Variants in CD200R1 observed in about 807,000 individuals in gnomAD.
CD200R1 encodes CD200 receptor 1, also known as cell surface glycoprotein CD200 receptor 1.
A neutral mutation model predicts 38.1 loss-of-function variants in CD200R1; 30 were observed. That is an observed-to-expected ratio of 0.79 (90% CI 0.59 to 1.07). CD200R1 has a LOEUF of 1.07. Among genes scored for constraint, CD200R1 ranks in the 50% least tolerant of loss-of-function variants. CD200R1 has a pLI of 0.00. For missense variants in CD200R1, 372 were observed against 415.4 expected (o/e 0.90, Z 0.91); for synonymous variants, 128 against 152.1 (o/e 0.84, Z 1.16).
chr3:112,924,283 T>G (rs1338276207), intron 7 of CD200R1, among the ~76,000 whole-genome samples: 1 of 152,014 alleles, frequency 6.6e-6, no homozygotes, highest in African/African-American at 2.4e-5. Flanking sequence ...ATATAGTTCA[T>G]GAAGTGAAAA....
Position 112,931,142 on chromosome 3 carries a change from G to T in CD200R1, c.166C>A (p.Gln56Lys). The T allele has an allele frequency of 6.2e-7, 1 of 1,610,020 alleles. No homozygotes were observed. The highest frequency in any genetic ancestry group is 8.5e-7 in the Non-Finnish European group (1 of 1,176,344). The change falls in exon 3 of 8, where the codon CAG becomes AAG. Residue 56 changes from glutamine to lysine, a missense_variant. Coordinates refer to ENST00000308611, the MANE Select transcript of CD200R1 (RefSeq NM_138806.4). ...ACTTTCGAGTAGTTCTGTGTAATCT[G>T]TTTTTCATCCATACATAAACTGCTT... Reference protein sequence around the residue: ...ASSSLCMDEKQITQNYSKVLA... With the variant: ...ASSSLCMDEKKITQNYSKVLA...
chr3:112,925,483 C>A (rs1317851364), intron 5 of CD200R1, among the ~76,000 whole-genome samples: 3 of 151,972 alleles, frequency 2.0e-5, no homozygotes, highest in Non-Finnish European at 4.4e-5. Context: ...TTGTGTAGGA[C>A]AATAAAACTG....
At chr3:112,969,749 G>C (rs1247731704) in intron 1 of CD200R1, among the ~76,000 whole-genome samples, 1 of 152,194 alleles carries the variant, frequency 6.6e-6, no homozygotes, top group Non-Finnish European at 1.5e-5. Flanking sequence ...ATTGCAGGTA[G>C]ACTTCTCCCT....
At chr3:112,928,215 G>C (rs1031967365) in intron 5 of CD200R1, among the ~76,000 whole-genome samples, 3 of 152,134 alleles carry the variant, frequency 2.0e-5, no homozygotes, top group Admixed American at 2.0e-4. Flanking sequence ...GATGGCAATT[G>C]GGTTGGAAAG....
chr3:112,947,262 T>A (rs961892218), intron 2 of CD200R1, among the ~76,000 whole-genome samples: 1 of 152,170 alleles, frequency 6.6e-6, no homozygotes, highest in African/African-American at 2.4e-5. Flanking sequence ...TGACCTCTAA[T>A]GCAAACTTTG....
At chr3:112,928,753 TTTTTC>T in intron 5 of CD200R1, 58 bp downstream of exon 5, 1 of 1,318,718 alleles carries the variant, frequency 7.6e-7, no homozygotes, top group Non-Finnish European at 1.0e-6. Context: ...CACATCTTTT[TTTTTC>T]TTAACTCTTT....
intron 2 of CD200R1, among the ~76,000 whole-genome samples, chr3:112,944,316 G>C (rs1940793045): frequency 6.6e-6 from 1 of 151,942 alleles, no homozygotes; most frequent in South Asian, 2.1e-4. Flanking sequence ...GTTTATTCCA[G>C]ATATGCAAGC....
At chr3:112,940,463 C>T (rs1383639442) in intron 2 of CD200R1, among the ~76,000 whole-genome samples, 1 of 151,614 alleles carries the variant, frequency 6.6e-6, no homozygotes, top group Non-Finnish European at 1.5e-5. Flanking sequence ...AATATCTCCA[C>T]AATAACAGAA....
chr3:112,944,977 T>C (rs982949381), intron 2 of CD200R1, among the ~76,000 whole-genome samples: 1 of 152,116 alleles, frequency 6.6e-6, no homozygotes, highest in Non-Finnish European at 1.5e-5. Context: ...TATATTAGCA[T>C]CCCCAAAAAT....
In CD200R1 at chr3:112,931,099, A is replaced by G; in HGVS notation, c.202+7T>C. 1 of 1,601,490 alleles carries G rather than the reference A, an allele frequency of 6.2e-7. No individual in the cohort carries two copies. Among genetic ancestry groups the G allele is most frequent in the Non-Finnish European group, 8.6e-7 (1 of 1,168,454 alleles). ...AGGTGCTGGCCACTAGTAAGGAAGC[A>G]TATTACCTTCTGCGAGTACTTTCGA... is the stretch of plus-strand genomic sequence containing the variant. On this transcript the variant is annotated splice_region_variant and intron_variant, in intron 3 of 7. Coordinates refer to ENST00000308611, the MANE Select transcript of CD200R1 (RefSeq NM_138806.4).
intron 4 of CD200R1, 62 bp downstream of exon 4, chr3:112,929,128 A>T: frequency 6.2e-7 from 1 of 1,612,266 alleles, no homozygotes; most frequent in Middle Eastern, 1.7e-4. Flanking sequence ...GAATTCAGAG[A>T]GACATTTGTT....
At chr3:112,964,033 C>G (rs1933090794) in intron 1 of CD200R1, among the ~76,000 whole-genome samples, 1 of 152,306 alleles carries the variant, frequency 6.6e-6, no homozygotes, top group East Asian at 1.9e-4. Flanking sequence ...GCTGTGGCAG[C>G]TTCCATGTGG....
In CD200R1 at chr3:112,928,657, A is replaced by G. The variant is rs189838927; in HGVS notation, c.769+159T>C. ...GCTTTTTACAACAAATGTCTGTACT[A>G]TTCTCCTCAACTCATCTCTTTATTT... is the stretch of plus-strand genomic sequence containing the variant. On this transcript the variant is annotated intron_variant, in intron 5 of 7. Transcript: ENST00000308611. Among the ~76,000 whole-genome samples, 478 of 152,332 alleles carry G rather than the reference A, an allele frequency of 3.1e-3. 1 individual carries two copies. The highest frequency in any genetic ancestry group is 4.9e-3 in the Admixed American group (75 of 15,296).
chr3:112,936,868 C>T (rs1940596057), intron 2 of CD200R1, among the ~76,000 whole-genome samples: 1 of 152,160 alleles, frequency 6.6e-6, no homozygotes, highest in South Asian at 2.1e-4. Flanking sequence ...GTCATGAAAT[C>T]ATGAAATCTT....
chr3:112,969,154 A>G (rs1003027730), intron 1 of CD200R1, among the ~76,000 whole-genome samples: 1 of 152,162 alleles, frequency 6.6e-6, no homozygotes, highest in Non-Finnish European at 1.5e-5. Context: ...AAATCTTAAA[A>G]TTGAAAAATA....
At chr3:112,969,903 G>A (rs1933258366) in intron 1 of CD200R1, among the ~76,000 whole-genome samples, 1 of 152,138 alleles carries the variant, frequency 6.6e-6, no homozygotes, top group South Asian at 2.1e-4. Flanking sequence ...CAGGTACAGT[G>A]ACTCACGCCT....
Position 112,925,119 on chromosome 3 carries a change from C to T in CD200R1, c.844G>A (p.Gly282Arg). ...ILTIIILTIV[G>R]FIWLLKVNGC... is the part of the protein sequence containing the mutation. ...TTGACTTTCAACAACCAAATGAATC[C>T]CACGATGGTCAAAATAATAATAGTA... Residue 282 changes from glycine (G) to arginine (R), a missense_variant, in exon 6 of 8, where the codon GGA becomes AGA. Gly to Arg is a moderately radical substitution (Grantham distance 125, BLOSUM62 -2). Transcript: ENST00000308611. The T allele has an allele frequency of 6.2e-7, 1 of 1,606,696 alleles. No individual in the cohort carries two copies. Among genetic ancestry groups the T allele is most frequent in the African/African-American group, 1.3e-5 (1 of 74,720 alleles).
At position 112,929,020 on chromosome 3, in the gene CD200R1, C is replaced by A; in HGVS notation, c.565G>T (p.Val189Leu). ...GGCTTCCCTGCAACTGCCTTGCATA[C>A]TGCAGTTCTATTCCTGTTTTGAAAC... Reference protein sequence around the residue: ...TLFQNRNRTAVCKAVAGKPAA... With the variant: ...TLFQNRNRTALCKAVAGKPAA... The change falls in exon 5 of 8, where the codon GTA becomes TTA. Residue 189 changes from valine to leucine, a missense_variant. Val to Leu is a conservative substitution (Grantham distance 32). Transcript: ENST00000308611. 6.2e-7 allele frequency: 1 copy of A among 1,613,976 alleles called. No homozygotes were observed. The highest frequency in any genetic ancestry group is 8.5e-7 in the Non-Finnish European group (1 of 1,180,014).
intron 2 of CD200R1, among the ~76,000 whole-genome samples, chr3:112,936,558 T>C (rs2107312785): frequency 6.6e-6 from 1 of 152,346 alleles, no homozygotes; most frequent in South Asian, 2.1e-4. Flanking sequence ...TGATCAGTGA[T>C]GTTGAGCTTT....
Sources: allele counts gnomAD v4.1 joint callset (sites outside exome capture counted in the v4.1 genomes callset), GRCh38; gene constraint gnomAD v4.1.1; transcripts MANE v1.5; gene names NCBI Gene and HGNC (gene_info 2026-07-23, HGNC 2026-07-21).